Variants in ADAD1 observed in about 807,000 individuals in gnomAD.
ADAD1 encodes adenosine deaminase domain containing 1.
A neutral mutation model predicts 66.8 loss-of-function variants in ADAD1; 46 were observed. The observed-to-expected ratio is 0.69, with a 90% CI of 0.54 to 0.88. The LOEUF is 0.88. Ranked by LOEUF, ADAD1 falls within the 40% of genes least tolerant of loss-of-function variation. The pLI is 0.00. For missense variants in ADAD1, 617 were observed against 681.8 expected (o/e 0.91, Z 1.06); for synonymous variants, 248 against 229.4 (o/e 1.08, Z -0.73).
chr4:122,414,070 G>T (rs1001818641), intron 10 of ADAD1, among the ~76,000 whole-genome samples: 18 of 150,346 alleles, frequency 1.2e-4, no homozygotes, highest in South Asian at 1.0e-3. Context: ...TCATACCTCA[G>T]ATATAGTAAA....
intron 5 of ADAD1, among the ~76,000 whole-genome samples, chr4:122,390,227 CCT>C (rs1270874292): frequency 2.6e-5 from 4 of 152,138 alleles, no homozygotes; most frequent in Non-Finnish European, 5.9e-5. Flanking sequence ...TGAGAGATCC[CCT>C]GTTAGTCTGA....
chr4:122,379,333 G>A (rs1794752787), intron 1 of ADAD1, 39 bp from the exon 2 acceptor site: 2 of 152,388 alleles, frequency 1.3e-5, no homozygotes, highest in Admixed American at 1.3e-4. Context: ...GAGTCACCCA[G>A]GCCTCGAACG....
chr4:122,384,109 C>T, intron 5 of ADAD1, 143 bp downstream of exon 5: 1 of 771,344 alleles, frequency 1.3e-6, no homozygotes, highest in Non-Finnish European at 2.0e-6. Flanking sequence ...AGTTGCTGTC[C>T]ACTGATGTAT....
intron 12 of ADAD1, among the ~76,000 whole-genome samples, chr4:122,428,143 C>A (rs1797341867): frequency 6.6e-6 from 1 of 151,902 alleles, no homozygotes; most frequent in Admixed American, 6.6e-5. Context: ...GACTTTAGAT[C>A]TAACTGTAAG....
chr4:122,420,361 G>A (rs1367920478), intron 11 of ADAD1, among the ~76,000 whole-genome samples: 1 of 152,164 alleles, frequency 6.6e-6, no homozygotes, highest in Non-Finnish European at 1.5e-5. Flanking sequence ...CTAAAGGTCA[G>A]GTGAGCTGAT....
chr4:122,383,962 A>T lies in ADAD1; in HGVS notation c.525A>T (p.Thr175=). Residue 175 remains threonine, a synonymous_variant, in exon 5 of 13, where the codon ACA becomes ACT. Coordinates refer to ENST00000296513, the MANE Select transcript of ADAD1 (RefSeq NM_139243.4). ...AACCTGAACCACGAATTTTAGAAACATCAGGTAAATACTCTTGATTATAAA... is the reference window on the plus strand; with the variant it reads ...AACCTGAACCACGAATTTTAGAAACTTCAGGTAAATACTCTTGATTATAAA... The part of the protein sequence containing the change: ...LDEPEPRILE[T]SGPPPFPAEP... The T allele has an allele frequency of 1.2e-6, 2 of 1,605,900 alleles. No individual in the cohort carries two copies. The highest frequency in any genetic ancestry group is 1.7e-6 in the Non-Finnish European group (2 of 1,176,986).
At chr4:122,409,883 A>G (rs1796392177) in intron 8 of ADAD1, among the ~76,000 whole-genome samples, 2 of 151,950 alleles carry the variant, frequency 1.3e-5, no homozygotes, top group Admixed American at 1.3e-4. Context: ...TATCTTTAGT[A>G]GAGAATGTTG....
chr4:122,421,839 C>T (rs1183304702), intron 12 of ADAD1, among the ~76,000 whole-genome samples: 1 of 151,934 alleles, frequency 6.6e-6, no homozygotes, highest in Non-Finnish European at 1.5e-5. Context: ...AGGTAAGGTA[C>T]ATAGCCTTTT....
At chr4:122,401,806 A>G (rs1471866691) in intron 7 of ADAD1, among the ~76,000 whole-genome samples, 1 of 152,138 alleles carries the variant, frequency 6.6e-6, no homozygotes, top group Non-Finnish European at 1.5e-5. Context: ...TGATATAAGA[A>G]TAGCTACTCC....
intron 4 of ADAD1, among the ~76,000 whole-genome samples, chr4:122,381,822 T>C (rs1794909449): frequency 6.6e-6 from 1 of 152,210 alleles, no homozygotes; most frequent in Non-Finnish European, 1.5e-5. Context: ...GCTTAAAATT[T>C]TAAATTTTAA....
At chr4:122,413,944 G>A (rs1580792929) in intron 10 of ADAD1, among the ~76,000 whole-genome samples, 1 of 146,944 alleles carries the variant, frequency 6.8e-6, no homozygotes, top group Admixed American at 6.8e-5. Context: ...TAACCTTGGA[G>A]TTTCGTGTTA....
At chr4:122,402,301 T>A (rs964572202) in intron 7 of ADAD1, among the ~76,000 whole-genome samples, 8 of 152,198 alleles carry the variant, frequency 5.3e-5, no homozygotes, top group African/African-American at 1.9e-4. Context: ...AATTATTGTT[T>A]AAGGAGTCTA....
chr4:122,426,184 C>T (rs1056616448), intron 12 of ADAD1, among the ~76,000 whole-genome samples: 1 of 151,902 alleles, frequency 6.6e-6, no homozygotes, highest in Admixed American at 6.6e-5. Context: ...CACTACAGAC[C>T]TTAAGAAGCT....
intron 3 of ADAD1, chr4:122,380,640 C>A: frequency 3.3e-6 from 1 of 306,266 alleles, no homozygotes; most frequent in Non-Finnish European, 5.9e-6. Context: ...GAGCCAGAAG[C>A]TACGTTTTAG....
At chr4:122,421,513 G>C (rs1797001095) in intron 12 of ADAD1, 123 bp downstream of exon 12, 2 of 935,622 alleles carry the variant, frequency 2.1e-6, no homozygotes, top group South Asian at 3.5e-5. Flanking sequence ...GATATTACCA[G>C]GTAATGGTAA....
chr4:122,396,041 C>G (rs1031344477), intron 6 of ADAD1, among the ~76,000 whole-genome samples: 1 of 152,140 alleles, frequency 6.6e-6, no homozygotes, highest in East Asian at 1.9e-4. Flanking sequence ...AATACTGACA[C>G]ATCTTTTTAT....
intron 7 of ADAD1, among the ~76,000 whole-genome samples, chr4:122,405,453 T>C (rs146392561): frequency 1.5e-4 from 23 of 152,314 alleles, no homozygotes; most frequent in Non-Finnish European, 1.2e-4. Flanking sequence ...AAATTAGCCT[T>C]GCCAAGGTAC....
At chr4:122,408,079 C>T in intron 8 of ADAD1, 48 bp downstream of exon 8, 1 of 1,540,724 alleles carries the variant, frequency 6.5e-7, no homozygotes, top group Non-Finnish European at 8.8e-7. Context: ...TGCCCTCAGC[C>T]CAAAGTAACT....
At position 122,420,210 on chromosome 4, in the gene ADAD1, G is replaced by T. The variant is rs185494609; in HGVS notation, c.1488-1051G>T. ...ATTTTGTACACATGAGTGTATGTTA[G>T]CTATTGCTGTGTATAAACTACCTCA... is the stretch of plus-strand genomic sequence containing the variant. On this transcript the variant is annotated intron_variant, in intron 11 of 12. Transcript: ENST00000296513. Among the ~76,000 whole-genome samples the T allele has an allele frequency of 6.6e-5, 10 of 152,318 alleles. No homozygotes were observed. In the East Asian group the frequency reaches 1.7e-3, roughly 26 times the overall value.
Sources: gnomAD v4.1 joint callset for allele counts (sites outside exome capture counted in the v4.1 genomes callset) on GRCh38, gnomAD v4.1.1 for gene constraint, MANE v1.5 for transcripts, NCBI Gene and HGNC (gene_info 2026-07-23, HGNC 2026-07-21) for gene names.